The following PPP1CB variants were observed in gnomAD, a reference collection of about 807,000 sequenced individuals.
PPP1CB encodes protein phosphatase 1 catalytic subunit beta, also known as serine/threonine-protein phosphatase PP1-beta catalytic subunit.
PPP1CB carries 2 observed loss-of-function variants against 43.7 expected under a neutral mutation model. The ratio of observed to expected loss-of-function variants is 0.05; its 90% CI spans 0.02 to 0.14. The LOEUF (loss-of-function observed/expected upper bound fraction) is 0.14. PPP1CB is among the 10% of genes least tolerant of loss of function. The pLI is 1.00. For synonymous variants in PPP1CB, 136 were observed against 135.6 expected (o/e 1.00, Z -0.02); for missense variants, 84 against 398.0 (o/e 0.21, Z 6.71).
intron 1 of PPP1CB, among the ~76,000 whole-genome samples, chr2:28,760,734 A>G (rs1216363127): frequency 2.0e-5 from 3 of 152,212 alleles, no homozygotes; most frequent in Non-Finnish European, 4.4e-5. Flanking sequence ...CATAGCTTTC[A>G]CTAATGTCAT....
intron 1 of PPP1CB, among the ~76,000 whole-genome samples, chr2:28,762,690 G>A (rs1342327839): frequency 6.6e-6 from 1 of 152,170 alleles, no homozygotes; most frequent in Non-Finnish European, 1.5e-5. Context: ...AAAATCCATT[G>A]ATCTTTCTTG....
At chr2:28,756,783 C>A (rs185745427) in intron 1 of PPP1CB, among the ~76,000 whole-genome samples, 156 of 147,400 alleles carry the variant, frequency 1.1e-3, no homozygotes, top group Non-Finnish European at 7.0e-4. Context: ...GTGCTGCGCC[C>A]AGCCTGTAGT....
intron 1 of PPP1CB, among the ~76,000 whole-genome samples, chr2:28,760,331 AATTT>A (rs1666612527): frequency 6.6e-6 from 1 of 152,212 alleles, no homozygotes; most frequent in Non-Finnish European, 1.5e-5. Flanking sequence ...AGCAAAGGTT[AATTT>A]ATTCTTGAAG....
intron 3 of PPP1CB, among the ~76,000 whole-genome samples, chr2:28,780,175 G>T (rs962364497): frequency 7.2e-6 from 1 of 137,966 alleles, no homozygotes; most frequent in Non-Finnish European, 1.5e-5. Context: ...TGCAACCTCC[G>T]CCTCCCGGGT....
chr2:28,776,757 C>T (rs1667053412), intron 1 of PPP1CB, 94 bp from the exon 2 acceptor site: 2 of 1,231,074 alleles, frequency 1.6e-6, no homozygotes, highest in African/African-American at 3.0e-5. Context: ...GCCTGTGTGA[C>T]TTTTCTGATT....
intron 1 of PPP1CB, among the ~76,000 whole-genome samples, chr2:28,755,669 C>T (rs1427331727): frequency 6.6e-6 from 1 of 152,144 alleles, no homozygotes; most frequent in Non-Finnish European, 1.5e-5. Flanking sequence ...ATAGCAGAAT[C>T]ATCTGGGGAA....
At chr2:28,788,940 C>G (rs1262666938) in intron 6 of PPP1CB, 131 bp downstream of exon 6, 15 of 914,512 alleles carry the variant, frequency 1.6e-5, no homozygotes, top group Non-Finnish European at 2.4e-5. Context: ...TCACTGCAAC[C>G]TGTGCCTCCC....
chr2:28,793,092 G>GA (rs1667421277), intron 6 of PPP1CB, among the ~76,000 whole-genome samples: 1 of 152,124 alleles, frequency 6.6e-6, no homozygotes, highest in African/African-American at 2.4e-5. Context: ...TGTAGTCCCA[G>GA]CTATTTGGGA....
chr2:28,755,332 G>C (rs538262722), intron 1 of PPP1CB, among the ~76,000 whole-genome samples: 1 of 152,256 alleles, frequency 6.6e-6, no homozygotes, highest in African/African-American at 2.4e-5. Context: ...GTGCCACCGC[G>C]CCTGACCTTG....
At position 28,751,885 on chromosome 2, in the gene PPP1CB, C is replaced by G. The variant is rs1363524647; in HGVS notation, c.-240C>G. 1.2e-5 allele frequency: 7 copies of G among 584,898 alleles called. No individual in the cohort carries two copies. In the South Asian group the frequency reaches 1.3e-4, roughly 11 times the overall value. 36.2% of individuals were successfully genotyped at this position (584,898 alleles called of 1,614,324 possible). A position where few individuals can be genotyped will look rare whatever the true frequency, so the allele number is the denominator to read the frequency against. On this transcript the variant is annotated 5_prime_UTR_variant, in exon 1 of 8. Transcript: ENST00000395366. Reference sequence around the variant, plus strand: ...GTGGCGGCCTGGGTCTGACGCGGCCCTGTTCGAGGGGGCCTCTCTTGTTTA... The same window carrying G: ...GTGGCGGCCTGGGTCTGACGCGGCCGTGTTCGAGGGGGCCTCTCTTGTTTA...
At chr2:28,783,339 T>G (rs1332248569) in intron 4 of PPP1CB, among the ~76,000 whole-genome samples, 1 of 152,152 alleles carries the variant, frequency 6.6e-6, no homozygotes, top group Non-Finnish European at 1.5e-5. Context: ...GTTTTTTTTT[T>G]CCTTGGGAAG....
At chr2:28,776,238 TTG>T (rs897817305) in intron 1 of PPP1CB, among the ~76,000 whole-genome samples, 2 of 147,422 alleles carry the variant, frequency 1.4e-5, no homozygotes, top group African/African-American at 5.3e-5. Flanking sequence ...TGTGTTTTTT[TTG>T]TTGTTGTTTT....
At chr2:28,772,320 C>T (rs1341734182) in intron 1 of PPP1CB, among the ~76,000 whole-genome samples, 3 of 152,048 alleles carry the variant, frequency 2.0e-5, no homozygotes, top group Non-Finnish European at 4.4e-5. Context: ...AAAAAGGGTA[C>T]TTGACAACCT....
At chr2:28,785,647 GA>G (rs1284375446) in intron 5 of PPP1CB, among the ~76,000 whole-genome samples, 1 of 149,180 alleles carries the variant, frequency 6.7e-6, no homozygotes, top group African/African-American at 2.5e-5. Flanking sequence ...TCTCTACAGA[GA>G]AAAAAAAAAT....
intron 1 of PPP1CB, among the ~76,000 whole-genome samples, chr2:28,775,941 T>G (rs896655382): frequency 2.6e-5 from 4 of 152,194 alleles, no homozygotes; most frequent in African/African-American, 9.7e-5. Flanking sequence ...GGTTTTAATA[T>G]AATGATCTAT....
rs1413461223 is a variant in PPP1CB, at chr2:28,800,740, A to G, written c.*1437A>G. ...GTGATTCTAAAAGCTTTTATTGAGC[A>G]TTGTCAAATTTGTAAGCTTCATAGG... On this transcript the variant is annotated 3_prime_UTR_variant, in exon 8 of 8. Transcript: ENST00000395366. 1 of 152,498 alleles carries G rather than the reference A, an allele frequency of 6.6e-6. No individual in the cohort carries two copies. Among genetic ancestry groups the G allele is most frequent in the Non-Finnish European group, 1.5e-5 (1 of 67,922 alleles). 9.4% of individuals were successfully genotyped at this position (152,498 alleles called of 1,614,324 possible). A position where few individuals can be genotyped will look rare whatever the true frequency, so the allele number is the denominator to read the frequency against.
At chr2:28,768,783 A>G (rs1366810741) in intron 1 of PPP1CB, among the ~76,000 whole-genome samples, 1 of 152,198 alleles carries the variant, frequency 6.6e-6, no homozygotes, top group Non-Finnish European at 1.5e-5. Context: ...TGGACAAGCT[A>G]ATGAAACTGA....
intron 1 of PPP1CB, among the ~76,000 whole-genome samples, chr2:28,753,228 C>T (rs1181367301): frequency 9.2e-5 from 14 of 152,188 alleles, no homozygotes. Context: ...TTGTTAGCCG[C>T]CGTCCAGCGA....
chr2:28,760,571 ATCTC>A (rs1255003628), intron 1 of PPP1CB, among the ~76,000 whole-genome samples: 3 of 152,228 alleles, frequency 2.0e-5, no homozygotes, highest in African/African-American at 7.2e-5. Flanking sequence ...CTCACTGTGC[ATCTC>A]TCAGGAAGTT....
Sources: allele counts gnomAD v4.1 joint callset (sites outside exome capture counted in the v4.1 genomes callset), GRCh38; gene constraint gnomAD v4.1.1; transcripts MANE v1.5; gene names NCBI Gene and HGNC (gene_info 2026-07-23, HGNC 2026-07-21).